LPAR3: variants seen among roughly 807,000 people sequenced by gnomAD.
LPAR3 encodes the protein LPA receptor 3.
In LPAR3, 7 loss-of-function variants were observed where a neutral mutation model predicts 17.8. The observed-to-expected ratio is 0.39, with a 90% CI of 0.22 to 0.74. The LOEUF is 0.74. LPAR3 is among the 30% of genes least tolerant of loss of function. LPAR3 has a pLI of 0.40. For synonymous variants in LPAR3, 179 were observed against 179.9 expected, an observed-to-expected ratio of 0.99 and a Z score of 0.04; for missense variants, 391 against 453.4, an observed-to-expected ratio of 0.86 and a Z score of 1.25.
chr1:84,868,054 A>T (rs1660087824), intron 1 of LPAR3, among the ~76,000 whole-genome samples: 1 of 152,202 alleles, frequency 6.6e-6, no homozygotes, highest in Non-Finnish European at 1.5e-5. Context: ...GAAGTAAAGG[A>T]TATAAATCTA....
At chr1:84,883,940 T>A in intron 1 of LPAR3, among the ~76,000 whole-genome samples, 1 of 152,236 alleles carries the variant, frequency 6.6e-6, no homozygotes, top group East Asian at 1.9e-4. Flanking sequence ...ATCATAAATG[T>A]TAGAAATAAT....
intron 2 of LPAR3, among the ~76,000 whole-genome samples, chr1:84,823,592 T>C (rs762299454): frequency 6.6e-6 from 1 of 152,118 alleles, no homozygotes; most frequent in African/African-American, 2.4e-5. Flanking sequence ...AAACTGAAAA[T>C]CTTGATACCA....
chr1:84,864,038 C>G (rs914065984), intron 2 of LPAR3, among the ~76,000 whole-genome samples: 1 of 151,940 alleles, frequency 6.6e-6, no homozygotes, highest in Non-Finnish European at 1.5e-5. Context: ...ATGGTGAAAC[C>G]CTGTCTCTAA....
chr1:84,817,507 C>T (rs1658960695), intron 2 of LPAR3, among the ~76,000 whole-genome samples: 2 of 152,140 alleles, frequency 1.3e-5, no homozygotes, highest in African/African-American at 4.8e-5. Context: ...AGATCTTGGC[C>T]TCCAGGTGGA....
intron 2 of LPAR3, among the ~76,000 whole-genome samples, chr1:84,843,591 C>T (rs1289586013): frequency 6.6e-6 from 1 of 152,238 alleles, no homozygotes; most frequent in Non-Finnish European, 1.5e-5. Flanking sequence ...TTGCGTGAAA[C>T]GCCACACCTG....
chr1:84,848,887 A>C (rs1242811537), intron 2 of LPAR3, among the ~76,000 whole-genome samples: 1 of 152,184 alleles, frequency 6.6e-6, no homozygotes, highest in Admixed American at 6.5e-5. Flanking sequence ...ACTCTGCTAC[A>C]TGTTTTGCAA....
At chr1:84,881,037 G>C in intron 1 of LPAR3, among the ~76,000 whole-genome samples, 1 of 152,176 alleles carries the variant, frequency 6.6e-6, no homozygotes, top group East Asian at 1.9e-4. Flanking sequence ...GTTTTATGGT[G>C]GTTTTCTTGT....
At chr1:84,816,980 T>C in intron 2 of LPAR3, among the ~76,000 whole-genome samples, 1 of 152,234 alleles carries the variant, frequency 6.6e-6, no homozygotes, top group Non-Finnish European at 1.5e-5. Flanking sequence ...TAACGCTTTC[T>C]GTCTTTCTTT....
chr1:84,869,509 T>C (rs778138317), intron 1 of LPAR3, among the ~76,000 whole-genome samples: 1 of 152,190 alleles, frequency 6.6e-6, no homozygotes, highest in Non-Finnish European at 1.5e-5. Flanking sequence ...CACTATGAAG[T>C]TGCGGTAATA....
chr1:84,880,415 A>T (rs1660341959), intron 1 of LPAR3, among the ~76,000 whole-genome samples: 1 of 152,216 alleles, frequency 6.6e-6, no homozygotes, highest in Admixed American at 6.5e-5. Context: ...AGAAAAGTCA[A>T]TTGCCCGTGT....
In LPAR3 at chr1:84,817,831, A is replaced by T. The variant is rs1164034392; in HGVS notation, c.737-3660T>A. On this transcript the variant is annotated intron_variant, in intron 2 of 2. Coordinates refer to ENST00000370611, the MANE Select transcript of LPAR3 (RefSeq NM_012152.3). ...AAAAAAAAAAAATCTTTCCTTTAAC[A>T]ACCAAAGAATGATGTAATTGTGATA... Among the ~76,000 whole-genome samples, 3 of 152,126 alleles carry T rather than the reference A, an allele frequency of 2.0e-5. No individual in the cohort carries two copies. In the East Asian group the frequency reaches 5.8e-4, roughly 29 times the overall value.
At chr1:84,841,297 C>T (rs1387297337) in intron 2 of LPAR3, among the ~76,000 whole-genome samples, 4 of 152,300 alleles carry the variant, frequency 2.6e-5, no homozygotes, top group South Asian at 4.1e-4. Context: ...GGACAACCGA[C>T]GGCCCCTTAT....
chr1:84,867,796 CATG>C (rs1178031054), intron 1 of LPAR3, among the ~76,000 whole-genome samples: 2 of 152,042 alleles, frequency 1.3e-5, no homozygotes, highest in East Asian at 1.9e-4. Context: ...CAAATAAATT[CATG>C]ATAATATCAT....
At chr1:84,839,327 C>A (rs1224094709) in intron 2 of LPAR3, among the ~76,000 whole-genome samples, 2 of 152,174 alleles carry the variant, frequency 1.3e-5, no homozygotes, top group Non-Finnish European at 2.9e-5. Context: ...AGGGAAAAGA[C>A]ATGTCTGATT....
At chr1:84,833,206 T>C (rs938152382) in intron 2 of LPAR3, among the ~76,000 whole-genome samples, 1 of 152,208 alleles carries the variant, frequency 6.6e-6, no homozygotes, top group Admixed American at 6.5e-5. Context: ...CTCACATTCA[T>C]GTCCTTTAGA....
At chr1:84,834,557 A>T (rs1447374424) in intron 2 of LPAR3, among the ~76,000 whole-genome samples, 1 of 151,094 alleles carries the variant, frequency 6.6e-6, no homozygotes, top group Non-Finnish European at 1.5e-5. Context: ...TAGTCCAGCC[A>T]AAGCAAATGT....
chr1:84,836,883 A>T (rs567296563), intron 2 of LPAR3, among the ~76,000 whole-genome samples: 1 of 152,314 alleles, frequency 6.6e-6, no homozygotes, highest in East Asian at 1.9e-4. Flanking sequence ...TGAATTGTAC[A>T]CATTTACTAT....
chr1:84,813,747 T>C lies in LPAR3; in HGVS notation c.*99A>G, dbSNP rs779893510. On this transcript the variant is annotated 3_prime_UTR_variant, in exon 3 of 3. Transcript: ENST00000370611. ...AATCTAGCAGTGATTAATGGAGACC[T>C]CAAATAACACTGTACATGGGCTTTG... 4.9e-6 allele frequency: 5 copies of C among 1,013,282 alleles called. No individual in the cohort carries two copies. Among genetic ancestry groups the C allele is most frequent in the Non-Finnish European group, 7.1e-6 (5 of 700,594 alleles). 62.8% of individuals were successfully genotyped at this position (1,013,282 alleles called of 1,614,324 possible).
chr1:84,878,480 C>T (rs1242228642), intron 1 of LPAR3, among the ~76,000 whole-genome samples: 1 of 152,112 alleles, frequency 6.6e-6, no homozygotes, highest in Non-Finnish European at 1.5e-5. Flanking sequence ...ATGTGGATGA[C>T]CCCAAATAAT....
Sources: gnomAD v4.1 joint callset for allele counts (sites outside exome capture counted in the v4.1 genomes callset) on GRCh38, gnomAD v4.1.1 for gene constraint, MANE v1.5 for transcripts, NCBI Gene and HGNC (gene_info 2026-07-23, HGNC 2026-07-21) for gene names.